The following RUNDC3B variants were observed in gnomAD, a reference collection of about 807,000 sequenced individuals.
RUNDC3B encodes the protein RUN domain-containing protein 3B.
In RUNDC3B, 33 loss-of-function variants were observed where a neutral mutation model predicts 58.4. The observed-to-expected ratio is 0.56, with a 90% CI of 0.43 to 0.75. The LOEUF (loss-of-function observed/expected upper bound fraction) is 0.75. Among genes scored for constraint, RUNDC3B ranks in the 30% least tolerant of loss-of-function variants. The pLI is 0.00. For synonymous variants in RUNDC3B, 193 were observed against 195.2 expected, an observed-to-expected ratio of 0.99 and a Z score of 0.10; for missense variants, 501 against 535.7, an observed-to-expected ratio of 0.94 and a Z score of 0.64.
intron 10 of RUNDC3B, among the ~76,000 whole-genome samples, chr7:87,817,121 C>T (rs1378225634): frequency 6.6e-6 from 1 of 152,202 alleles, no homozygotes; most frequent in African/African-American, 2.4e-5. Flanking sequence ...TTTTACCCTG[C>T]CTTCTCTCTT....
chr7:87,751,456 T>G (rs1832978507), intron 6 of RUNDC3B, among the ~76,000 whole-genome samples: 1 of 152,234 alleles, frequency 6.6e-6, no homozygotes, highest in Non-Finnish European at 1.5e-5. Flanking sequence ...ATTGAATCTG[T>G]AAATTACCTT....
At chr7:87,735,501 T>G (rs998578050) in intron 4 of RUNDC3B, among the ~76,000 whole-genome samples, 39 of 152,346 alleles carry the variant, frequency 2.6e-4, no homozygotes, top group African/African-American at 7.2e-4. Flanking sequence ...GGCTGTCACA[T>G]TTCCTGGAGT....
chr7:87,697,952 C>T (rs1291585884), intron 2 of RUNDC3B, among the ~76,000 whole-genome samples: 5 of 151,906 alleles, frequency 3.3e-5, no homozygotes, highest in Admixed American at 3.3e-4. Context: ...ATGAAAAGTG[C>T]CCTAGAGACA....
At chr7:87,690,532 A>G (rs1827910418) in intron 2 of RUNDC3B, among the ~76,000 whole-genome samples, 1 of 152,174 alleles carries the variant, frequency 6.6e-6, no homozygotes, top group South Asian at 2.1e-4. Flanking sequence ...AGCTTAAGAA[A>G]AGTTATATAT....
intron 2 of RUNDC3B, among the ~76,000 whole-genome samples, chr7:87,654,734 A>G (rs1385273604): frequency 6.6e-6 from 1 of 152,170 alleles, no homozygotes; most frequent in Non-Finnish European, 1.5e-5. Flanking sequence ...GTGGAATTAC[A>G]TCAAACTAAA....
At chr7:87,690,468 GA>G (rs1418687859) in intron 2 of RUNDC3B, among the ~76,000 whole-genome samples, 1 of 152,070 alleles carries the variant, frequency 6.6e-6, no homozygotes, top group Non-Finnish European at 1.5e-5. Flanking sequence ...TTGTTTCTAA[GA>G]TGTTAATACC....
chr7:87,721,600 A>G (rs1830893198), intron 4 of RUNDC3B, among the ~76,000 whole-genome samples: 1 of 152,168 alleles, frequency 6.6e-6, no homozygotes, highest in South Asian at 2.1e-4. Context: ...CAAGCTCAAA[A>G]CAAACACACT....
At chr7:87,810,971 G>A (rs1028937387) in intron 9 of RUNDC3B, among the ~76,000 whole-genome samples, 2 of 151,960 alleles carry the variant, frequency 1.3e-5, no homozygotes, top group South Asian at 2.1e-4. Context: ...TGTAAAAACC[G>A]AACAATAAAT....
intron 1 of RUNDC3B, among the ~76,000 whole-genome samples, chr7:87,637,718 G>T (rs551927302): frequency 6.6e-6 from 1 of 151,922 alleles, no homozygotes; most frequent in Non-Finnish European, 1.5e-5. Flanking sequence ...TCTTGTGGTT[G>T]TTGGTATATC....
intron 1 of RUNDC3B, among the ~76,000 whole-genome samples, chr7:87,637,043 T>C (rs1182196811): frequency 6.6e-6 from 1 of 152,140 alleles, no homozygotes; most frequent in African/African-American, 2.4e-5. Flanking sequence ...TCGTGAGCTC[T>C]TACTCACTAT....
At chr7:87,651,548 T>G (rs1313344157) in intron 2 of RUNDC3B, among the ~76,000 whole-genome samples, 1 of 152,096 alleles carries the variant, frequency 6.6e-6, no homozygotes, top group East Asian at 1.9e-4. Flanking sequence ...TTAGTAACAA[T>G]AAGTACTAAC....
intron 1 of RUNDC3B, among the ~76,000 whole-genome samples, chr7:87,646,069 C>A (rs1339800731): frequency 6.6e-6 from 1 of 152,114 alleles, no homozygotes; most frequent in Non-Finnish European, 1.5e-5. Context: ...GATATTTGGA[C>A]TTCGCTTTTG....
intron 6 of RUNDC3B, among the ~76,000 whole-genome samples, chr7:87,746,479 T>C (rs1041368328): frequency 6.6e-6 from 1 of 152,244 alleles, no homozygotes; most frequent in African/African-American, 2.4e-5. Flanking sequence ...AATTGTTTTA[T>C]ACATTTGGGA....
At chr7:87,754,943 C>CAAAAAA (rs35896180) in intron 6 of RUNDC3B, among the ~76,000 whole-genome samples, 1 of 73,378 alleles carries the variant, frequency 1.4e-5, no homozygotes, top group Non-Finnish European at 2.7e-5. Flanking sequence ...GCTTACCAAC[C>CAAAAAA]AAAAAAAAAA....
intron 6 of RUNDC3B, among the ~76,000 whole-genome samples, chr7:87,749,582 C>T (rs999211552): frequency 3.3e-5 from 5 of 151,968 alleles, no homozygotes; most frequent in South Asian, 4.1e-4. Flanking sequence ...CAAATCAAAT[C>T]GCATCCACAG....
intron 6 of RUNDC3B, among the ~76,000 whole-genome samples, chr7:87,759,886 A>G (rs1158594350): frequency 1.3e-5 from 2 of 152,000 alleles, no homozygotes; most frequent in African/African-American, 4.8e-5. Context: ...CATCATATGT[A>G]CCCCATAAAT....
At chr7:87,805,241 A>G (rs1206333023) in intron 8 of RUNDC3B, among the ~76,000 whole-genome samples, 2 of 152,076 alleles carry the variant, frequency 1.3e-5, no homozygotes, top group African/African-American at 4.8e-5. Flanking sequence ...TCAAAAATAC[A>G]AGGATGAGGT....
At chr7:87,715,348 AT>A (rs1830480413) in intron 4 of RUNDC3B, among the ~76,000 whole-genome samples, 1 of 118,522 alleles carries the variant, frequency 8.4e-6, no homozygotes, top group Non-Finnish European at 1.6e-5. Flanking sequence ...ATTTATAATA[AT>A]TATATATAAT....
At chr7:87,769,370 C>T (rs1427196295) in intron 6 of RUNDC3B, among the ~76,000 whole-genome samples, 1 of 152,038 alleles carries the variant, frequency 6.6e-6, no homozygotes, top group East Asian at 1.9e-4. Flanking sequence ...GAGTTTAACT[C>T]ATTTAAATTG....
Sources: allele counts gnomAD v4.1 joint callset (sites outside exome capture counted in the v4.1 genomes callset), GRCh38; gene constraint gnomAD v4.1.1; transcripts MANE v1.5; gene names NCBI Gene and HGNC (gene_info 2026-07-23, HGNC 2026-07-21).